Variants in IGHMBP2 observed in about 807,000 individuals in gnomAD.
IGHMBP2 encodes immunoglobulin mu DNA binding protein 2, also known as DNA-binding protein SMUBP-2.
In IGHMBP2, 81 loss-of-function variants were observed where a neutral mutation model predicts 96.0. The ratio of observed to expected loss-of-function variants is 0.84; its 90% confidence interval spans 0.71 to 1.01. IGHMBP2 has a LOEUF of 1.01. Ranked by LOEUF, IGHMBP2 falls within the 50% of genes least tolerant of loss-of-function variation. IGHMBP2 has a pLI of 0.00. For missense variants in IGHMBP2, 1,227 were observed against 1,306.3 expected, an observed-to-expected ratio of 0.94 and a Z score of 0.94; for synonymous variants, 557 against 548.9, an observed-to-expected ratio of 1.01 and a Z score of -0.21.
At chr11:68,933,008 G>A in intron 8 of IGHMBP2, 2 of 517,982 alleles carry the variant, frequency 3.9e-6, no homozygotes, top group Non-Finnish European at 7.0e-6. Flanking sequence ...AAGACCCTTG[G>A]GTTATCACCT....
intron 2 of IGHMBP2, among the ~76,000 whole-genome samples, 185 bp from the exon 3 acceptor site, chr11:68,907,960 A>G (rs776227086): frequency 1.3e-5 from 2 of 150,902 alleles, no homozygotes; most frequent in Non-Finnish European, 2.9e-5. Flanking sequence ...AAGTACTGGG[A>G]TTACAGGCGT....
Position 68,906,078 on chromosome 11 carries a change from G to C in IGHMBP2, c.96G>C (p.Gln32His), listed in dbSNP as rs1467043860. The change falls in exon 2 of 15, where the codon CAG (glutamine) becomes CAC (histidine). Residue 32 changes from glutamine (Q) to histidine (H), a missense_variant. Coordinates refer to ENST00000255078, the MANE Select transcript of IGHMBP2 (RefSeq NM_002180.3). Reference protein sequence around the residue: ...DAEVEERRSWQENISLKELQS... With the variant: ...DAEVEERRSWHENISLKELQS... ...ACCGGGTGTCTTCCAGGTCCTGGCA[G>C]GAGAACATCTCTCTGAAAGAGCTCC... is the stretch of plus-strand genomic sequence containing the variant. The C allele has an allele frequency of 1.9e-6, 3 of 1,614,112 alleles. No homozygotes were observed. In the South Asian group the frequency reaches 3.3e-5, roughly 18 times the overall value.
At chr11:68,930,337 G>T in intron 8 of IGHMBP2, 1 of 1,289,818 alleles carries the variant, frequency 7.8e-7, no homozygotes, top group South Asian at 1.2e-5. Context: ...TATGAACTCG[G>T]AACTTTCGTT....
At chr11:68,935,235 A>G (rs371933579) in intron 11 of IGHMBP2, 64 bp from the exon 12 acceptor site, 2 of 1,604,430 alleles carry the variant, frequency 1.2e-6, no homozygotes. Context: ...GCTGAGCTGA[A>G]GGGCAGGGTC....
chr11:68,934,307 TG>T, intron 10 of IGHMBP2, 156 bp from the exon 11 acceptor site: 1 of 697,594 alleles, frequency 1.4e-6, no homozygotes, highest in Non-Finnish European at 2.6e-6. Flanking sequence ...TGGCTGGTCC[TG>T]GGGCCCTGGG....
intron 5 of IGHMBP2, among the ~76,000 whole-genome samples, chr11:68,913,498 T>C (rs371861327): frequency 1.3e-5 from 2 of 152,074 alleles, no homozygotes; most frequent in East Asian, 2.0e-4. Flanking sequence ...CTTTTTTTTT[T>C]CCTCAGAGAT....
chr11:68,935,151 G>A, intron 11 of IGHMBP2, 148 bp from the exon 12 acceptor site: 10 of 1,017,944 alleles, frequency 9.8e-6, no homozygotes, highest in Non-Finnish European at 1.5e-5. Flanking sequence ...AGGGCGAACG[G>A]GAAGCCTTTC....
intron 8 of IGHMBP2, 81 bp from the exon 9 acceptor site, chr11:68,933,218 C>T: frequency 2.8e-6 from 4 of 1,404,156 alleles, no homozygotes; most frequent in Non-Finnish European, 3.9e-6. Flanking sequence ...GGTTTGGGGC[C>T]TGTCCTCCTC....
At chr11:68,938,853 C>A (rs892060950) in intron 14 of IGHMBP2, among the ~76,000 whole-genome samples, 6 of 152,112 alleles carry the variant, frequency 3.9e-5, no homozygotes, top group African/African-American at 1.4e-4. Flanking sequence ...GGGTAAGAGA[C>A]CAGCATACAG....
intron 13 of IGHMBP2, among the ~76,000 whole-genome samples, chr11:68,937,537 C>T (rs1859599807): frequency 6.6e-6 from 1 of 152,248 alleles, no homozygotes; most frequent in Admixed American, 6.5e-5. Context: ...TGGCTGAGCG[C>T]AAAACCATTC....
intron 5 of IGHMBP2, among the ~76,000 whole-genome samples, chr11:68,913,755 C>T (rs1041466831): frequency 2.6e-5 from 4 of 152,062 alleles, no homozygotes; most frequent in African/African-American, 9.7e-5. Context: ...CCAGTCTCTA[C>T]AAAAAATAGA....
intron 14 of IGHMBP2, 85 bp from the exon 15 acceptor site, chr11:68,939,449 G>A (rs896217108): frequency 1.4e-6 from 2 of 1,453,088 alleles, no homozygotes; most frequent in Non-Finnish European, 1.9e-6. Context: ...GGCGCCTGTG[G>A]CCCCCCAGCT....
At chr11:68,937,428 C>T (rs1859593706) in intron 13 of IGHMBP2, among the ~76,000 whole-genome samples, 1 of 152,214 alleles carries the variant, frequency 6.6e-6, no homozygotes, top group Admixed American at 6.5e-5. Context: ...CACGGGGTCC[C>T]ATGCAACATG....
intron 8 of IGHMBP2, chr11:68,930,313 G>T (rs1461188506): frequency 7.8e-7 from 1 of 1,289,536 alleles, no homozygotes; most frequent in African/African-American, 1.5e-5. Flanking sequence ...GTTTCACTGT[G>T]GGTGTGTAGA....
intron 2 of IGHMBP2, among the ~76,000 whole-genome samples, chr11:68,906,788 A>T (rs1230906321): frequency 2.0e-5 from 3 of 151,786 alleles, no homozygotes; most frequent in East Asian, 2.0e-4. Flanking sequence ...GATTAGAGGC[A>T]TGCGCCACCG....
intron 4 of IGHMBP2, among the ~76,000 whole-genome samples, chr11:68,910,401 C>G (rs1221957483): frequency 1.3e-5 from 2 of 152,212 alleles, no homozygotes; most frequent in African/African-American, 4.8e-5. Flanking sequence ...GTTCAATGGC[C>G]TGTTACTAGC....
chr11:68,925,709 AAGGAT>A (rs1277144890), intron 7 of IGHMBP2, among the ~76,000 whole-genome samples: 2 of 152,084 alleles, frequency 1.3e-5, no homozygotes, highest in Non-Finnish European at 2.9e-5. Flanking sequence ...TCATTTTTTG[AAGGAT>A]AGTCTTGCTG....
intron 7 of IGHMBP2, among the ~76,000 whole-genome samples, chr11:68,928,841 G>T (rs1566439252): frequency 6.7e-6 from 1 of 150,022 alleles, no homozygotes; most frequent in Non-Finnish European, 1.5e-5. Context: ...CCTTAGAAAA[G>T]AATTAGGTTC....
At chr11:68,910,321 C>G (rs967789319) in intron 4 of IGHMBP2, among the ~76,000 whole-genome samples, 1 of 152,212 alleles carries the variant, frequency 6.6e-6, no homozygotes, top group Non-Finnish European at 1.5e-5. Flanking sequence ...GCGTCACAAA[C>G]TGAATTAGAA....
Sources: allele counts gnomAD v4.1 joint callset (sites outside exome capture counted in the v4.1 genomes callset), GRCh38; gene constraint gnomAD v4.1.1; transcripts MANE v1.5; gene names NCBI Gene and HGNC (gene_info 2026-07-23, HGNC 2026-07-21).